Variants in FSD1L observed in about 807,000 individuals in gnomAD.
FSD1L encodes fibronectin type III and SPRY domain containing 1 like, also known as FSD1-like protein.
A neutral mutation model predicts 71.6 loss-of-function variants in FSD1L; 45 were observed. The ratio of observed to expected loss-of-function variants is 0.63; its 90% CI spans 0.49 to 0.81. The LOEUF is 0.81. Ranked by LOEUF, FSD1L falls within the 30% of genes least tolerant of loss-of-function variation. The pLI is 0.00. For missense variants in FSD1L, 561 were observed against 618.1 expected (o/e 0.91, Z 0.98); for synonymous variants, 197 against 207.2 (o/e 0.95, Z 0.42).
chr9:105,534,283 A>G (rs1836118768), intron 10 of FSD1L, among the ~76,000 whole-genome samples: 1 of 151,994 alleles, frequency 6.6e-6, no homozygotes, highest in Non-Finnish European at 1.5e-5. Flanking sequence ...TAGTGTTTTC[A>G]GCCTGCTTTG....
chr9:105,487,756 A>G (rs1832649971), intron 7 of FSD1L, among the ~76,000 whole-genome samples: 1 of 152,116 alleles, frequency 6.6e-6, no homozygotes, highest in Non-Finnish European at 1.5e-5. Flanking sequence ...AATACATCAC[A>G]ATTTTCTTTT....
rs117122706 is a variant in FSD1L at position 105,459,660 on chromosome 9, A to T, written c.16-1860A>T. 4.9e-4 allele frequency among the ~76,000 whole-genome samples: 74 copies of T among 152,352 alleles called. No individual in the cohort carries two copies. In the East Asian group the frequency reaches 0.013, roughly 27 times the overall value. ...TTTATCTGTATTAGCTAACAAGGTCACATTGGTTGCTATGACTTTCTCTTT... is the reference window on the plus strand; with the variant it reads ...TTTATCTGTATTAGCTAACAAGGTCTCATTGGTTGCTATGACTTTCTCTTT... On this transcript the variant is annotated intron_variant, in intron 1 of 13. Coordinates refer to ENST00000481272, the MANE Select transcript of FSD1L (RefSeq NM_001145313.3).
At chr9:105,531,166 A>G (rs1835871484) in intron 10 of FSD1L, among the ~76,000 whole-genome samples, 1 of 152,180 alleles carries the variant, frequency 6.6e-6, no homozygotes, top group African/African-American at 2.4e-5. Context: ...TTTAAAAACC[A>G]GACATGTGTT....
At chr9:105,470,879 G>A (rs1174935576) in intron 4 of FSD1L, among the ~76,000 whole-genome samples, 1 of 152,102 alleles carries the variant, frequency 6.6e-6, no homozygotes, top group Non-Finnish European at 1.5e-5. Flanking sequence ...TAGAAGAAAG[G>A]ACAACTCAGC....
intron 8 of FSD1L, among the ~76,000 whole-genome samples, chr9:105,508,250 T>C (rs1391015066): frequency 6.9e-6 from 1 of 145,132 alleles, no homozygotes; most frequent in Non-Finnish European, 1.5e-5. Flanking sequence ...CGATCTCAGC[T>C]AACTGCAAGC....
intron 7 of FSD1L, among the ~76,000 whole-genome samples, chr9:105,503,451 A>C (rs1438728983): frequency 6.6e-6 from 1 of 152,200 alleles, no homozygotes; most frequent in African/African-American, 2.4e-5. Flanking sequence ...ACTCTTAGCC[A>C]TTTCTTATGC....
At chr9:105,525,700 G>C in intron 10 of FSD1L, 1 of 1,607,286 alleles carries the variant, frequency 6.2e-7, no homozygotes, top group South Asian at 1.1e-5. Flanking sequence ...TGTTGCTGAA[G>C]GACAAGAAGA....
intron 7 of FSD1L, among the ~76,000 whole-genome samples, chr9:105,500,379 C>T (rs181610135): frequency 6.6e-6 from 1 of 152,258 alleles, no homozygotes; most frequent in African/African-American, 2.4e-5. Context: ...CAGTTTTCCC[C>T]ACTCCTTATT....
In FSD1L at chr9:105,543,300, C is replaced by T. The variant is rs143004602; in HGVS notation, c.1468-3058C>T. On this transcript the variant is annotated intron_variant, in intron 13 of 13. Coordinates refer to ENST00000481272, the MANE Select transcript of FSD1L (RefSeq NM_001145313.3). ...AGCTTGTGTCTACTATTAATATATACGGTAGTTGATGATAGTGTCAATGAT... is the reference window on the plus strand; with the variant it reads ...AGCTTGTGTCTACTATTAATATATATGGTAGTTGATGATAGTGTCAATGAT... 5.7e-3 allele frequency among the ~76,000 whole-genome samples: 873 copies of T among 152,094 alleles called. 10 individuals are homozygous for T. Among genetic ancestry groups the T allele is most frequent in the African/African-American group, 0.019 (809 of 41,516 alleles).
At chr9:105,459,175 G>A (rs1167457211) in intron 1 of FSD1L, among the ~76,000 whole-genome samples, 3 of 152,120 alleles carry the variant, frequency 2.0e-5, no homozygotes, top group Admixed American at 6.5e-5. Flanking sequence ...GAAAATTTTA[G>A]CTTTATGTCA....
intron 10 of FSD1L, chr9:105,521,820 G>C: frequency 6.2e-7 from 1 of 1,612,442 alleles, no homozygotes; most frequent in South Asian, 1.1e-5. Context: ...CATACGAGCT[G>C]GTACCCAGGC....
chr9:105,535,337 A>T lies in FSD1L; in HGVS notation c.1378+19A>T, dbSNP rs1176318325. ...GATGGGGGTAAGTTTATTTTCTCGT[A>T]GGTTATTTCATCATAGTTGCTTGCA... On this transcript the variant is annotated intron_variant, in intron 12 of 13. Coordinates refer to ENST00000481272, the MANE Select transcript of FSD1L (RefSeq NM_001145313.3). 6 of 1,550,262 alleles carry T rather than the reference A, an allele frequency of 3.9e-6. No individual in the cohort carries two copies. In the East Asian group the frequency reaches 9.8e-5, roughly 25 times the overall value.
At chr9:105,524,313 C>G (rs768358180) in intron 10 of FSD1L, 190 of 1,613,274 alleles carry the variant, frequency 1.2e-4, no homozygotes, top group Non-Finnish European at 1.5e-4. Flanking sequence ...TCAGATTTAC[C>G]AGCCTGATTC....
intron 10 of FSD1L, among the ~76,000 whole-genome samples, chr9:105,516,475 C>T (rs922559252): frequency 6.6e-6 from 1 of 152,102 alleles, no homozygotes; most frequent in Non-Finnish European, 1.5e-5. Flanking sequence ...CCCTCTGGGA[C>T]GAAGCTTCCA....
At position 105,535,334 on chromosome 9, in the gene FSD1L, CG is replaced by C; in HGVS notation, c.1378+17del. On this transcript the variant is annotated intron_variant, in intron 12 of 13. Coordinates refer to ENST00000481272, the MANE Select transcript of FSD1L (RefSeq NM_001145313.3). ...TTTGATGGGGGTAAGTTTATTTTCT[CG>C]TAGGTTATTTCATCATAGTTGCTTG... 1 of 1,550,266 alleles carries C rather than the reference CG, an allele frequency of 6.5e-7. No homozygotes were observed. The highest frequency in any genetic ancestry group is 8.7e-7 in the Non-Finnish European group (1 of 1,146,418).
intron 8 of FSD1L, among the ~76,000 whole-genome samples, chr9:105,507,080 T>G (rs1834098927): frequency 6.6e-6 from 1 of 152,240 alleles, no homozygotes; most frequent in Non-Finnish European, 1.5e-5. Context: ...GAAAATAGTA[T>G]TTCAGAATAA....
At position 105,448,112 on chromosome 9, in the gene FSD1L, C is replaced by G. The variant is rs1034270760; in HGVS notation, c.-109C>G. ...CGGGTGGGGCCGGGCGGTGCCGGTG[C>G]GGGCTGGGGCAGTGCAGTGAGTAGC... On this transcript the variant is annotated 5_prime_UTR_variant, in exon 1 of 14. Transcript: ENST00000481272. 7.5e-5 allele frequency: 91 copies of G among 1,221,304 alleles called. No individual in the cohort carries two copies. Among genetic ancestry groups the G allele is most frequent in the East Asian group, 5.1e-4 (18 of 35,354 alleles). The allele number at this position is 1,221,304 out of a possible 1,614,324, so 75.7% of individuals were successfully genotyped here.
At chr9:105,496,279 C>T (rs1833399558) in intron 7 of FSD1L, among the ~76,000 whole-genome samples, 1 of 146,648 alleles carries the variant, frequency 6.8e-6, no homozygotes, top group African/African-American at 2.5e-5. Flanking sequence ...TCTCTCTGCT[C>T]ACTGCAAGCT....
rs1564073165 is a variant in FSD1L, at chr9:105,452,656, TGCC to T, written c.15+4422_15+4424del. ...CTGCCTGCCTGCCTGCCTGCCTGCC[TGCC>T]TGCCTGCCTGCCTTCCTTCCTTCCT... On this transcript the variant is annotated intron_variant, in intron 1 of 13. Transcript: ENST00000481272. Among the ~76,000 whole-genome samples the T allele has an allele frequency of 3.5e-3, 457 of 131,788 alleles. 1 individual carries two copies. The highest frequency in any genetic ancestry group is 9.3e-3 in the African/African-American group (326 of 35,174). 86.5% of individuals were successfully genotyped at this position (131,788 alleles called of 152,430 possible).
Sources: gnomAD v4.1 joint callset for allele counts (sites outside exome capture counted in the v4.1 genomes callset) on GRCh38, gnomAD v4.1.1 for gene constraint, MANE v1.5 for transcripts, NCBI Gene and HGNC (gene_info 2026-07-23, HGNC 2026-07-21) for gene names.